The following STON1 variants were observed in gnomAD, a reference collection of about 807,000 sequenced individuals.
The protein encoded by STON1 is stonin-1.
A neutral mutation model predicts 60.9 loss-of-function variants in STON1; 79 were observed. The observed-to-expected ratio is 1.30, with a 90% CI of 1.08 to 1.56. The LOEUF (loss-of-function observed/expected upper bound fraction) is 1.56, where lower values mean the gene tolerates loss of function less well. STON1 is among the 40% of genes most tolerant of loss of function. The pLI is 0.00. For missense variants in STON1, 1,166 were observed against 858.9 expected, an observed-to-expected ratio of 1.36 and a Z score of -4.47; for synonymous variants, 363 against 306.9, an observed-to-expected ratio of 1.18 and a Z score of -1.91.
intron 1 of STON1, among the ~76,000 whole-genome samples, chr2:48,565,245 G>A (rs1425889437): frequency 3.3e-5 from 5 of 151,334 alleles, no homozygotes; most frequent in Non-Finnish European, 7.4e-5. Flanking sequence ...GTAGAGACAG[G>A]GTTTCACCAT....
chr2:48,591,977 A>T, intron 3 of STON1, 122 bp downstream of exon 3: 1 of 1,355,272 alleles, frequency 7.4e-7, no homozygotes, highest in Non-Finnish European at 9.8e-7. Flanking sequence ...TGCCCTAGAG[A>T]GGATCTCAGC....
rs551921056 is a variant in STON1 at position 48,587,575 on chromosome 2, G to A, written c.1931-4078G>A. Among the ~76,000 whole-genome samples the A allele has an allele frequency of 1.8e-3, 273 of 152,316 alleles. 1 individual carries two copies. Among genetic ancestry groups the A allele is most frequent in the Middle Eastern group, 6.8e-3 (2 of 294 alleles). On this transcript the variant is annotated intron_variant, in intron 2 of 3. Coordinates refer to ENST00000404752, the MANE Select transcript of STON1 (RefSeq NM_006873.4). ...CAAAGTGCTGGGATTATAGGCATGAGCCACTGCGTCCGGCCTCCCATGAGT... is the reference window on the plus strand; with the variant it reads ...CAAAGTGCTGGGATTATAGGCATGAACCACTGCGTCCGGCCTCCCATGAGT...
chr2:48,595,842 T>C lies in STON1; in HGVS notation c.*540T>C, dbSNP rs971192268. 7 of 152,964 alleles carry C rather than the reference T, an allele frequency of 4.6e-5. No individual in the cohort carries two copies. The highest frequency in any genetic ancestry group is 1.7e-4 in the African/African-American group (7 of 41,482). The allele number at this position is 152,964 out of a possible 1,614,324, so 9.5% of individuals were successfully genotyped here. ...AGTATCTGTGCTTTTGAATTACTTA[T>C]TTACCTGTCCTCTTACCGTTGGTAA... On this transcript the variant is annotated 3_prime_UTR_variant, in exon 4 of 4. Coordinates refer to ENST00000404752, the MANE Select transcript of STON1 (RefSeq NM_006873.4).
intron 1 of STON1, among the ~76,000 whole-genome samples, chr2:48,570,349 A>G (rs953591011): frequency 2.6e-5 from 4 of 152,126 alleles, no homozygotes; most frequent in Admixed American, 2.6e-4. Context: ...AAAAAAAAAA[A>G]GAATTCCAAT....
At chr2:48,576,292 T>TTCAA (rs1367330342) in intron 1 of STON1, among the ~76,000 whole-genome samples, 3 of 140,122 alleles carry the variant, frequency 2.1e-5, no homozygotes, top group Non-Finnish European at 4.5e-5. Context: ...TGGGTTCAAG[T>TTCAA]GATTCTCATG....
intron 1 of STON1, among the ~76,000 whole-genome samples, chr2:48,554,714 T>TATTTA (rs1553357117): frequency 0.013 from 774 of 60,488 alleles, 108 homozygotes; most frequent in African/African-American, 0.041. Context: ...AAAATTTTTT[T>TATTTA]TTTTTTTTTT....
At chr2:48,595,082 G>C in intron 3 of STON1, 146 bp from the exon 4 acceptor site, 1 of 664,480 alleles carries the variant, frequency 1.5e-6, no homozygotes, top group East Asian at 2.8e-5. Context: ...TCACTTGGAA[G>C]CTACTGTAGG....
rs57217272 is a variant in STON1, at chr2:48,533,662, C to CAAAA, written c.-48+3463_-48+3466dup. ...GGGCAACAAGAGCAAAACTCCGTCT[C>CAAAA]AAAAAAAAAAAAAAAAAAAAGAGAT... On this transcript the variant is annotated intron_variant, in intron 1 of 3. Coordinates refer to ENST00000404752, the MANE Select transcript of STON1 (RefSeq NM_006873.4). 3.1e-3 allele frequency among the ~76,000 whole-genome samples: 176 copies of CAAAA among 56,232 alleles called. 5 individuals are homozygous for CAAAA. Among genetic ancestry groups the CAAAA allele is most frequent in the South Asian group, 0.015 (17 of 1,156 alleles). The allele number at this position is 56,232 out of a possible 152,430, so 36.9% of individuals were successfully genotyped here.
chr2:48,576,179 T>G lies in STON1; in HGVS notation c.-47-4408T>G, dbSNP rs185263962. Among the ~76,000 whole-genome samples, 398 of 138,816 alleles carry G rather than the reference T, an allele frequency of 2.9e-3. 3 individuals are homozygous for G. Among genetic ancestry groups the G allele is most frequent in the African/African-American group, 7.4e-3 (282 of 37,986 alleles). 91.1% of individuals were successfully genotyped at this position (138,816 alleles called of 152,430 possible). On this transcript the variant is annotated intron_variant, in intron 1 of 3. Transcript: ENST00000404752. ...ACATCCTTGCCAAGATTTGTTGTTT[T>G]CCTTTCTTTTTTTTTTTTTTTTTTT...
intron 1 of STON1, among the ~76,000 whole-genome samples, chr2:48,552,777 A>AAAT (rs755002852): frequency 2.9e-4 from 44 of 152,100 alleles, no homozygotes; most frequent in Admixed American, 1.6e-3. Context: ...CTCAAAAAAC[A>AAAT]AATAATAATA....
chr2:48,570,085 A>G (rs1673123621), intron 1 of STON1, among the ~76,000 whole-genome samples: 1 of 152,240 alleles, frequency 6.6e-6, no homozygotes, highest in East Asian at 1.9e-4. Context: ...CTGTAATCCC[A>G]GCGCATTGGG....
chr2:48,533,890 C>T (rs967801190), intron 1 of STON1, among the ~76,000 whole-genome samples: 4 of 151,548 alleles, frequency 2.6e-5, no homozygotes, highest in African/African-American at 9.7e-5. Flanking sequence ...CTGCCTCAGC[C>T]ACCCGAGTAC....
At chr2:48,563,666 G>A (rs987261367) in intron 1 of STON1, among the ~76,000 whole-genome samples, 33 of 150,716 alleles carry the variant, frequency 2.2e-4, no homozygotes, top group East Asian at 5.9e-4. Flanking sequence ...CACCCTCCAC[G>A]TGGCTTTTTT....
intron 1 of STON1, among the ~76,000 whole-genome samples, chr2:48,533,040 G>A (rs62135195): frequency 0.16 from 23,760 of 152,062 alleles, 2,114 homozygotes; most frequent in Middle Eastern, 0.26. Flanking sequence ...GATCACTTGA[G>A]GCTAGGAGTT....
rs267599397 is a variant in STON1 at position 48,582,392 on chromosome 2, C to T, written c.1759C>T (p.Leu587Phe). 6.2e-7 allele frequency: 1 copy of T among 1,614,160 alleles called. No homozygotes were observed. The highest frequency in any genetic ancestry group is 2.2e-5 in the East Asian group (1 of 44,876). The change falls in exon 2 of 4, where the codon CTC (leucine) becomes TTC (phenylalanine). Residue 587 changes from leucine (L) to phenylalanine (F), a missense_variant. Leu to Phe is a conservative substitution (Grantham distance 22, BLOSUM62 0). Transcript: ENST00000404752. ...GATCAAGGCCCTTTGGACCATGAACCTCCAGAGGCAGAAGTCTCTGAAAGC... is the reference window on the plus strand; with the variant it reads ...GATCAAGGCCCTTTGGACCATGAACTTCCAGAGGCAGAAGTCTCTGAAAGC... ...QWIKALWTMN[L>F]QRQKSLKAKM...
intron 1 of STON1, among the ~76,000 whole-genome samples, chr2:48,575,128 G>A (rs1270358637): frequency 6.6e-6 from 1 of 152,204 alleles, no homozygotes; most frequent in Non-Finnish European, 1.5e-5. Flanking sequence ...GTCCTTCTGT[G>A]ATGGGCTTAC....
chr2:48,547,601 G>C (rs1467674898), intron 1 of STON1, among the ~76,000 whole-genome samples: 6 of 152,160 alleles, frequency 3.9e-5, no homozygotes, highest in Non-Finnish European at 7.3e-5. Context: ...GTGCTTTCAG[G>C]GATATGCTGA....
chr2:48,547,130 G>A (rs1671892498), intron 1 of STON1, among the ~76,000 whole-genome samples: 1 of 152,162 alleles, frequency 6.6e-6, no homozygotes. Context: ...TAAGATTAGA[G>A]CTCATGTTTA....
chr2:48,561,600 G>C (rs1466040889), intron 1 of STON1, among the ~76,000 whole-genome samples: 1 of 152,196 alleles, frequency 6.6e-6, no homozygotes, highest in Non-Finnish European at 1.5e-5. Flanking sequence ...TTGTGGGGCT[G>C]CCCTGTGCAT....
Sources: allele counts gnomAD v4.1 joint callset (sites outside exome capture counted in the v4.1 genomes callset), GRCh38; gene constraint gnomAD v4.1.1; transcripts MANE v1.5; gene names NCBI Gene and HGNC (gene_info 2026-07-23, HGNC 2026-07-21).